Variants in TTC21B observed in about 807,000 individuals in gnomAD.
The protein encoded by TTC21B is tetratricopeptide repeat protein 21B.
Under a neutral mutation model 175.1 loss-of-function variants are expected in TTC21B, and 127 were observed. The observed-to-expected ratio is 0.73, with a 90% CI of 0.63 to 0.84. TTC21B has a LOEUF of 0.84. Ranked by LOEUF, TTC21B falls within the 40% of genes least tolerant of loss-of-function variation. The probability of loss-of-function intolerance (pLI) is 0.00; values close to 1 mark genes in which losing one functional copy is unlikely to be tolerated. For synonymous variants in TTC21B, 524 were observed against 524.5 expected (o/e 1.00, Z 0.01); for missense variants, 1,561 against 1,558.3 (o/e 1.00, Z -0.03).
intron 11 of TTC21B, among the ~76,000 whole-genome samples, chr2:165,926,700 C>T (rs920272393): frequency 7.9e-5 from 12 of 151,896 alleles, no homozygotes; most frequent in Admixed American, 2.0e-4. Context: ...GCAGACCCAC[C>T]CTTAATTTGG....
intron 6 of TTC21B, among the ~76,000 whole-genome samples, chr2:165,938,907 CTA>C (rs1186100402): frequency 6.6e-6 from 1 of 152,034 alleles, no homozygotes; most frequent in East Asian, 1.9e-4. Context: ...ATATTTGAGA[CTA>C]TTGGTAATTT....
intron 19 of TTC21B, 135 bp downstream of exon 19, chr2:165,907,543 C>A: frequency 1.5e-6 from 1 of 677,984 alleles, no homozygotes; most frequent in Non-Finnish European, 2.7e-6. Flanking sequence ...CATAAGCATT[C>A]AATAAGTATT....
intron 12 of TTC21B, among the ~76,000 whole-genome samples, chr2:165,922,131 A>G: frequency 6.6e-6 from 1 of 152,286 alleles, no homozygotes; most frequent in African/African-American, 2.4e-5. Flanking sequence ...CAATATAAAT[A>G]CTTAATAAAT....
intron 7 of TTC21B, among the ~76,000 whole-genome samples, 166 bp downstream of exon 7, chr2:165,932,807 C>T (rs1239420936): frequency 6.6e-6 from 1 of 151,836 alleles, no homozygotes; most frequent in African/African-American, 2.4e-5. Flanking sequence ...AGAAGCTGAC[C>T]TCTTTGTTAA....
intron 22 of TTC21B, among the ~76,000 whole-genome samples, chr2:165,894,265 G>A (rs1038991779): frequency 6.6e-6 from 1 of 152,112 alleles, no homozygotes; most frequent in African/African-American, 2.4e-5. Flanking sequence ...GAGAGAAAAG[G>A]GGCAATCTGT....
At chr2:165,892,983 T>C (rs1487740083) in intron 22 of TTC21B, among the ~76,000 whole-genome samples, 1 of 152,204 alleles carries the variant, frequency 6.6e-6, no homozygotes, top group Non-Finnish European at 1.5e-5. Context: ...GTATCATTTG[T>C]CCCCTTGACA....
chr2:165,894,682 C>T (rs1462916483), intron 22 of TTC21B, among the ~76,000 whole-genome samples: 11 of 152,166 alleles, frequency 7.2e-5, no homozygotes, highest in Non-Finnish European at 1.5e-4. Context: ...TCAAGCGATT[C>T]TCCTGCTGTG....
At chr2:165,938,241 C>T (rs1687234037) in intron 6 of TTC21B, among the ~76,000 whole-genome samples, 1 of 151,870 alleles carries the variant, frequency 6.6e-6, no homozygotes, top group African/African-American at 2.4e-5. Flanking sequence ...GAAAAGACTT[C>T]AGCATCTTAT....
At chr2:165,906,162 A>G (rs1300890448) in intron 19 of TTC21B, among the ~76,000 whole-genome samples, 2 of 151,892 alleles carry the variant, frequency 1.3e-5, no homozygotes. Context: ...AATGCTGATA[A>G]ACCAGTGTTG....
chr2:165,876,070 T>C, intron 28 of TTC21B, 95 bp downstream of exon 28: 1 of 760,544 alleles, frequency 1.3e-6, no homozygotes. Flanking sequence ...TAAAATAATG[T>C]ATCCTCTATT....
At chr2:165,951,072 A>T (rs748616090) in intron 1 of TTC21B, among the ~76,000 whole-genome samples, 4 of 151,924 alleles carry the variant, frequency 2.6e-5, no homozygotes, top group Non-Finnish European at 4.4e-5. Context: ...TGTGCTCCAT[A>T]CCCCATCTCC....
intron 19 of TTC21B, among the ~76,000 whole-genome samples, chr2:165,902,703 C>T (rs1221809842): frequency 6.6e-6 from 1 of 152,168 alleles, no homozygotes; most frequent in African/African-American, 2.4e-5. Context: ...AGATTATACA[C>T]ATGCATACAT....
intron 6 of TTC21B, among the ~76,000 whole-genome samples, chr2:165,937,895 T>C (rs1480753998): frequency 6.6e-6 from 1 of 151,130 alleles, no homozygotes; most frequent in Non-Finnish European, 1.5e-5. Context: ...GGCCTTCAAA[T>C]ATCATTTCAC....
chr2:165,898,572 C>T, intron 22 of TTC21B, 114 bp downstream of exon 22: 1 of 748,052 alleles, frequency 1.3e-6, no homozygotes. Flanking sequence ...AATAAACAGA[C>T]AGTCTGATTC....
chr2:165,893,686 G>A (rs778568737), intron 22 of TTC21B, among the ~76,000 whole-genome samples: 227 of 152,200 alleles, frequency 1.5e-3, no homozygotes, highest in Non-Finnish European at 2.4e-3. Flanking sequence ...CTATGGTATG[G>A]TATTACAAAG....
chr2:165,911,204 C>T lies in TTC21B; in HGVS notation c.2461+123G>A, dbSNP rs74734002. The stretch of plus-strand genomic sequence containing the variant: ...TGGCATTCTGATAAAAGAAAAAATA[C>T]GCATGTATTTATATAACCAACCACA... On this transcript the variant is annotated intron_variant, in intron 18 of 28. Coordinates refer to ENST00000243344, the MANE Select transcript of TTC21B (RefSeq NM_024753.5). The T allele has an allele frequency of 0.014, 17,142 of 1,184,440 alleles. 587 individuals are homozygous for T. Among genetic ancestry groups the T allele is most frequent in the Admixed American group, 0.12 (6,107 of 51,434 alleles). 73.4% of individuals were successfully genotyped at this position (1,184,440 alleles called of 1,614,324 possible).
chr2:165,919,607 T>C (rs1311878517), intron 12 of TTC21B, among the ~76,000 whole-genome samples, 174 bp from the exon 13 acceptor site: 1 of 152,130 alleles, frequency 6.6e-6, no homozygotes, highest in Non-Finnish European at 1.5e-5. Flanking sequence ...TTCCTTCTAG[T>C]CTACATGAAT....
chr2:165,915,884 C>A (rs1351711211), intron 14 of TTC21B, among the ~76,000 whole-genome samples: 2 of 152,178 alleles, frequency 1.3e-5, no homozygotes, highest in Non-Finnish European at 1.5e-5. Flanking sequence ...AGAGTCATCT[C>A]AACTTCAGAG....
intron 8 of TTC21B, 87 bp downstream of exon 8, chr2:165,931,671 A>T (rs1057280527): frequency 1.9e-5 from 21 of 1,123,430 alleles, no homozygotes; most frequent in Non-Finnish European, 2.8e-5. Flanking sequence ...TCTAGGCCAT[A>T]TGCTCTTCCC....
Sources: gnomAD v4.1 joint callset for allele counts (sites outside exome capture counted in the v4.1 genomes callset) on GRCh38, gnomAD v4.1.1 for gene constraint, MANE v1.5 for transcripts, NCBI Gene and HGNC (gene_info 2026-07-23, HGNC 2026-07-21) for gene names.